Variants in CRIM1 observed in about 807,000 individuals in gnomAD.
CRIM1 encodes the protein cysteine rich transmembrane BMP regulator 1.
CRIM1 carries 32 observed loss-of-function variants against 116.4 expected under a neutral mutation model. The observed-to-expected ratio is 0.27, with a 90% CI of 0.21 to 0.37. The LOEUF is 0.37. Ranked by LOEUF, CRIM1 falls within the 10% of genes least tolerant of loss-of-function variation. The pLI, the probability that CRIM1 is intolerant of heterozygous loss-of-function variation, is 1.00. For missense variants in CRIM1, 1,331 were observed against 1,354.8 expected (o/e 0.98, Z 0.28); for synonymous variants, 590 against 509.2 (o/e 1.16, Z -2.13).
chr2:36,376,475 G>A (rs907831251), intron 1 of CRIM1, among the ~76,000 whole-genome samples: 1 of 152,302 alleles, frequency 6.6e-6, no homozygotes, highest in South Asian at 2.1e-4. Context: ...TCGCATGAGC[G>A]GGAGGAGGAG....
intron 2 of CRIM1, among the ~76,000 whole-genome samples, chr2:36,401,671 T>G (rs1245119659): frequency 6.6e-6 from 1 of 152,186 alleles, no homozygotes; most frequent in Non-Finnish European, 1.5e-5. Context: ...AAGTTGAACT[T>G]TTAAGTTTGC....
intron 12 of CRIM1, among the ~76,000 whole-genome samples, chr2:36,519,883 G>A (rs1447467470): frequency 6.6e-6 from 1 of 150,992 alleles, no homozygotes; most frequent in Non-Finnish European, 1.5e-5. Flanking sequence ...TATTTTTAGA[G>A]TTGGAAAAAA....
At chr2:36,514,905 C>T (rs927194044) in intron 11 of CRIM1, among the ~76,000 whole-genome samples, 6 of 152,282 alleles carry the variant, frequency 3.9e-5, no homozygotes, top group South Asian at 2.1e-4. Context: ...TTGTAGAAAA[C>T]GAGATTACAA....
chr2:36,539,450 G>A (rs1243096267), intron 14 of CRIM1, among the ~76,000 whole-genome samples: 1 of 152,202 alleles, frequency 6.6e-6, no homozygotes, highest in Non-Finnish European at 1.5e-5. Context: ...TCGCAGATGA[G>A]TGCAAGATTG....
chr2:36,544,501 A>G lies in CRIM1; in HGVS notation c.2746+3A>G. On this transcript the variant is annotated splice_donor_region_variant and intron_variant, in intron 15 of 16. Transcript: ENST00000280527. ...TGATATCGTCCATCTCCCTAGAGGT[A>G]AGCATTGAAGGCAGCTGAGATCTGC... 7.5e-7 allele frequency: 1 copy of G among 1,330,822 alleles called. No homozygotes were observed. The highest frequency in any genetic ancestry group is 9.7e-7 in the Non-Finnish European group (1 of 1,030,622). 82.4% of individuals were successfully genotyped at this position (1,330,822 alleles called of 1,614,324 possible).
intron 7 of CRIM1, among the ~76,000 whole-genome samples, chr2:36,496,120 C>G (rs1008591694): frequency 6.6e-6 from 1 of 152,074 alleles, no homozygotes; most frequent in Non-Finnish European, 1.5e-5. Flanking sequence ...AGTAAGGACC[C>G]AAGACACATG....
At chr2:36,365,803 A>T (rs575480605) in intron 1 of CRIM1, among the ~76,000 whole-genome samples, 1 of 146,902 alleles carries the variant, frequency 6.8e-6, no homozygotes, top group Non-Finnish European at 1.5e-5. Flanking sequence ...GCATGATCTC[A>T]GCTCACTGCA....
At chr2:36,430,735 A>T (rs1674820789) in intron 2 of CRIM1, among the ~76,000 whole-genome samples, 1 of 152,254 alleles carries the variant, frequency 6.6e-6, no homozygotes, top group African/African-American at 2.4e-5. Flanking sequence ...TCTCAGAGGC[A>T]TGCCCACCTC....
intron 7 of CRIM1, among the ~76,000 whole-genome samples, chr2:36,495,066 T>G (rs1680485097): frequency 6.6e-6 from 1 of 152,142 alleles, no homozygotes; most frequent in Admixed American, 6.6e-5. Context: ...CGGGGGACAG[T>G]TTTCTTTGCT....
intron 5 of CRIM1, among the ~76,000 whole-genome samples, chr2:36,473,073 T>C (rs1678659689): frequency 6.6e-6 from 1 of 152,248 alleles, no homozygotes; most frequent in Non-Finnish European, 1.5e-5. Context: ...TTAAGTTTCA[T>C]CTTCATTATC....
intron 5 of CRIM1, among the ~76,000 whole-genome samples, chr2:36,473,170 T>C (rs1678673237): frequency 6.6e-6 from 1 of 152,188 alleles, no homozygotes; most frequent in South Asian, 2.1e-4. Flanking sequence ...TTGAGTACAA[T>C]GCAAATGCAA....
intron 4 of CRIM1, among the ~76,000 whole-genome samples, chr2:36,451,415 A>G (rs557780404): frequency 2.0e-3 from 303 of 152,352 alleles, no homozygotes; most frequent in African/African-American, 6.8e-3. Context: ...CCAGCTTTAA[A>G]TCCAAACTGA....
At chr2:36,543,052 G>C (rs927666355) in intron 14 of CRIM1, among the ~76,000 whole-genome samples, 7 of 152,130 alleles carry the variant, frequency 4.6e-5, no homozygotes, top group African/African-American at 1.7e-4. Flanking sequence ...TGAACCTGTA[G>C]AAACTATAAT....
At chr2:36,463,296 A>G (rs1285222942) in intron 4 of CRIM1, among the ~76,000 whole-genome samples, 1 of 152,190 alleles carries the variant, frequency 6.6e-6, no homozygotes, top group Non-Finnish European at 1.5e-5. Context: ...CTATAAGCAT[A>G]TTTTAATTTA....
At chr2:36,444,361 T>A (rs1399094788) in intron 4 of CRIM1, among the ~76,000 whole-genome samples, 1 of 152,192 alleles carries the variant, frequency 6.6e-6, no homozygotes, top group Non-Finnish European at 1.5e-5. Context: ...GGCTGCTTCC[T>A]GAGGCAGACA....
intron 4 of CRIM1, among the ~76,000 whole-genome samples, chr2:36,455,050 G>C (rs184995062): frequency 5.3e-5 from 8 of 152,164 alleles, no homozygotes; most frequent in Non-Finnish European, 8.8e-5. Flanking sequence ...AAACGATCTG[G>C]GGAGTAGATG....
At position 36,430,850 on chromosome 2, in the gene CRIM1, C is replaced by T. The variant is rs60841727; in HGVS notation, c.506-10408C>T. ...GTTTTTGGAGGCACTCCTTACCATT[C>T]TATGCCATCTTGTCAATTTGACAAC... On this transcript the variant is annotated intron_variant, in intron 2 of 16. Transcript: ENST00000280527. Among the ~76,000 whole-genome samples the T allele has an allele frequency of 3.9e-3, 589 of 152,336 alleles. 3 individuals are homozygous for T. Among genetic ancestry groups the T allele is most frequent in the African/African-American group, 0.014 (571 of 41,572 alleles).
intron 8 of CRIM1, 67 bp downstream of exon 8, chr2:36,499,414 A>G: frequency 6.7e-7 from 1 of 1,488,364 alleles, no homozygotes; most frequent in Middle Eastern, 1.8e-4. Flanking sequence ...CATATTATGT[A>G]ATTGAATATC....
At chr2:36,429,338 G>A (rs1413875952) in intron 2 of CRIM1, among the ~76,000 whole-genome samples, 1 of 152,204 alleles carries the variant, frequency 6.6e-6, no homozygotes, top group Non-Finnish European at 1.5e-5. Flanking sequence ...GCAGAACACA[G>A]TGTTCACTTT....
Sources: gnomAD v4.1 joint callset for allele counts (sites outside exome capture counted in the v4.1 genomes callset) on GRCh38, gnomAD v4.1.1 for gene constraint, MANE v1.5 for transcripts, NCBI Gene and HGNC (gene_info 2026-07-23, HGNC 2026-07-21) for gene names.